LUC7L3: variants seen among roughly 807,000 people sequenced by gnomAD.
LUC7L3 encodes the protein luc7-like protein 3.
LUC7L3 carries 6 observed loss-of-function variants against 66.8 expected under a neutral mutation model. The ratio of observed to expected loss-of-function variants is 0.09; its 90% CI spans 0.05 to 0.18. LUC7L3 has a LOEUF of 0.18. Among genes scored for constraint, LUC7L3 ranks in the 10% least tolerant of loss-of-function variants. LUC7L3 has a pLI of 1.00. For synonymous variants in LUC7L3, 160 were observed against 174.7 expected (o/e 0.92, Z 0.66); for missense variants, 341 against 531.1 (o/e 0.64, Z 3.52).
intron 1 of LUC7L3, among the ~76,000 whole-genome samples, chr17:50,736,259 G>C (rs1352835035): frequency 6.6e-6 from 1 of 152,240 alleles, no homozygotes; most frequent in Non-Finnish European, 1.5e-5. Flanking sequence ...ATTTGGGATA[G>C]AGCAGTTTTG....
At position 50,755,111 on chromosome 17, in the gene LUC7L3, T is replaced by C. The variant is rs1161018802; in HGVS notation, c.*4450T>C. 1 of 152,198 alleles carries C rather than the reference T, an allele frequency of 6.6e-6. No homozygotes were observed. The highest frequency in any genetic ancestry group is 1.5e-5 in the Non-Finnish European group (1 of 68,032). 9.4% of individuals were successfully genotyped at this position (152,198 alleles called of 1,614,324 possible). A position where few individuals can be genotyped will look rare whatever the true frequency, so the allele number is the denominator to read the frequency against. ...TTTTCAAGTTTGATTTCCTGAGGGA[T>C]TTTTTAGTTGTTTGTGAAAGAACCC... On this transcript the variant is annotated 3_prime_UTR_variant, in exon 10 of 10. Transcript: ENST00000505658.
chr17:50,727,233 T>A (rs1969256109), intron 1 of LUC7L3, among the ~76,000 whole-genome samples: 1 of 152,206 alleles, frequency 6.6e-6, no homozygotes. Context: ...CTCTCTTAGT[T>A]GTTATAAAGG....
chr17:50,746,030 C>G, intron 8 of LUC7L3, 27 bp downstream of exon 8: 2 of 1,562,022 alleles, frequency 1.3e-6, no homozygotes, highest in Non-Finnish European at 1.7e-6. Context: ...CTAAGACTGT[C>G]CAGCTCATAA....
intron 2 of LUC7L3, among the ~76,000 whole-genome samples, chr17:50,737,925 AAAG>A (rs1181655196): frequency 3.3e-5 from 5 of 152,196 alleles, no homozygotes; most frequent in African/African-American, 7.2e-5. Flanking sequence ...TGGATACATA[AAAG>A]AAGTCAATTC....
intron 1 of LUC7L3, among the ~76,000 whole-genome samples, chr17:50,730,278 C>G (rs928621691): frequency 6.6e-6 from 1 of 151,914 alleles, no homozygotes; most frequent in Non-Finnish European, 1.5e-5. Flanking sequence ...AGTCTATTAT[C>G]TTTATGATAA....
At chr17:50,749,769 G>C (rs150720366) in intron 9 of LUC7L3, among the ~76,000 whole-genome samples, 6 of 152,302 alleles carry the variant, frequency 3.9e-5, no homozygotes, top group East Asian at 3.9e-4. Context: ...GACTATGCTT[G>C]CTCTGGTGTA....
At position 50,740,197 on chromosome 17, in the gene LUC7L3, A is replaced by G. The variant is rs1022189625; in HGVS notation, c.167-109A>G. 4.9e-6 allele frequency: 4 copies of G among 809,070 alleles called. 1 individual carries two copies. Among genetic ancestry groups the G allele is most frequent in the South Asian group, 1.6e-5 (1 of 62,418 alleles). 50.1% of individuals were successfully genotyped at this position (809,070 alleles called of 1,614,324 possible). The stretch of plus-strand genomic sequence containing the variant: ...TTAGATGTCTACAAACTACTCAGTG[A>G]TAAAGTGAATCCTTTTTCTTTTTAA... On this transcript the variant is annotated intron_variant, in intron 2 of 9. Transcript: ENST00000505658.
At chr17:50,747,206 C>T (rs1970721751) in intron 9 of LUC7L3, among the ~76,000 whole-genome samples, 3 of 150,016 alleles carry the variant, frequency 2.0e-5, no homozygotes, top group African/African-American at 7.4e-5. Flanking sequence ...ATGCTCTTTC[C>T]CCTTTACTTT....
chr17:50,719,900 CTCCTGGCCGCGGCGCGATGTGGCCA>C (rs1438809593), intron 1 of LUC7L3, 69 bp downstream of exon 1: 48 of 1,440,852 alleles, frequency 3.3e-5, no homozygotes, highest in African/African-American at 2.9e-4. Context: ...GGCTGTGGCC[CTCCTGGCCGCGGCGCGATGTGGCCA>C]GGGCCGCACC....
In LUC7L3 at chr17:50,750,962, T is replaced by TA; in HGVS notation, c.*302dup. ...ATATAGTCGCCATTGAAAAGTTAAT[T>TA]ATCCTTTTTTTAGGGATTTTGATGT... On this transcript the variant is annotated 3_prime_UTR_variant, in exon 10 of 10. Transcript: ENST00000505658. The TA allele has an allele frequency of 6.7e-7, 1 of 1,492,558 alleles. No individual in the cohort carries two copies. The highest frequency in any genetic ancestry group is 1.3e-5 in the South Asian group (1 of 76,570). 92.5% of individuals were successfully genotyped at this position (1,492,558 alleles called of 1,614,324 possible).
At position 50,746,576 on chromosome 17, in the gene LUC7L3, C is replaced by G. The variant is rs1254264855; in HGVS notation, c.1012C>G (p.Arg338Gly). The G allele has an allele frequency of 6.2e-7, 1 of 1,613,734 alleles. No individual in the cohort carries two copies. ...TCGACGAAGAAGCAGAAGCCATGAT[C>G]GATCAGAAAGAAAACACAGATCTCG... ...RDRRRSRSHDRSERKHRSRSR... is the reference protein window; with the variant it reads ...RDRRRSRSHDGSERKHRSRSR... Residue 338 changes from arginine (R) to glycine (G), a missense_variant, in exon 9 of 10, where the codon CGA becomes GGA. Transcript: ENST00000505658.
intron 5 of LUC7L3, among the ~76,000 whole-genome samples, chr17:50,742,078 G>A (rs1179102681): frequency 6.6e-6 from 1 of 152,024 alleles, no homozygotes; most frequent in South Asian, 2.1e-4. Flanking sequence ...CTCGTCTTGT[G>A]TGTGTGTGTG....
intron 1 of LUC7L3, among the ~76,000 whole-genome samples, chr17:50,730,563 T>C (rs1400430563): frequency 7.2e-6 from 1 of 138,940 alleles, no homozygotes; most frequent in Non-Finnish European, 1.5e-5. Context: ...GCAGACAGCA[T>C]TGAAAATATT....
rs78024024 is a variant in LUC7L3 at position 50,742,984 on chromosome 17, ACT to A, written c.427-719_427-718del. 1.8e-3 allele frequency among the ~76,000 whole-genome samples: 267 copies of A among 152,166 alleles called. 1 individual carries two copies. The highest frequency in any genetic ancestry group is 2.9e-3 in the Non-Finnish European group (200 of 67,996). On this transcript the variant is annotated intron_variant, in intron 5 of 9. Transcript: ENST00000505658. The stretch of plus-strand genomic sequence containing the variant: ...GAAGCCGGACAAAAAAGGAATATAG[ACT>A]CTATGACTCTATATAAAATTTTAGA...
chr17:50,741,511 C>G, intron 4 of LUC7L3, 146 bp from the exon 5 acceptor site: 1 of 611,726 alleles, frequency 1.6e-6, no homozygotes, highest in Admixed American at 3.3e-5. Flanking sequence ...TGTGATTGAC[C>G]AACAGAAGTT....
At chr17:50,743,888 G>C (rs1004432684) in intron 6 of LUC7L3, 78 bp downstream of exon 6, 11 of 1,045,638 alleles carry the variant, frequency 1.1e-5, no homozygotes, top group Non-Finnish European at 1.6e-5. Flanking sequence ...GAGAACCTTT[G>C]AAAACTGATG....
rs558508734 is a variant in LUC7L3 at position 50,751,411 on chromosome 17, C to T, written c.*750C>T. On this transcript the variant is annotated 3_prime_UTR_variant, in exon 10 of 10. Coordinates refer to ENST00000505658, the MANE Select transcript of LUC7L3 (RefSeq NM_016424.5). ...CTCTACCCACATCCATGTTTGAATG[C>T]TATTGCCTGTGATCTTTACGCTTAA... is the stretch of plus-strand genomic sequence containing the variant. The T allele has an allele frequency of 7.8e-7, 1 of 1,289,636 alleles. No homozygotes were observed. Among genetic ancestry groups the T allele is most frequent in the Non-Finnish European group, 1.0e-6 (1 of 988,906 alleles). 79.9% of individuals were successfully genotyped at this position (1,289,636 alleles called of 1,614,324 possible).
rs1221170821 is a variant in LUC7L3, at chr17:50,755,829, T to A, written c.*5168T>A. ...GAAGATCCCAAGTGTCCACCAACAG[T>A]GTGTTGGATAAATACTGTGGTATAT... On this transcript the variant is annotated 3_prime_UTR_variant, in exon 10 of 10. Transcript: ENST00000505658. The A allele has an allele frequency of 6.6e-6, 1 of 152,170 alleles. No individual in the cohort carries two copies. The highest frequency in any genetic ancestry group is 1.5e-5 in the Non-Finnish European group (1 of 68,036). The allele number at this position is 152,170 out of a possible 1,614,324, so 9.4% of individuals were successfully genotyped here.
At chr17:50,728,550 G>GTT (rs1969350997) in intron 1 of LUC7L3, among the ~76,000 whole-genome samples, 1 of 152,036 alleles carries the variant, frequency 6.6e-6, no homozygotes, top group Non-Finnish European at 1.5e-5. Context: ...TGTAGGGTTG[G>GTT]TTTTTGTTTT....
Sources: allele counts gnomAD v4.1 joint callset (sites outside exome capture counted in the v4.1 genomes callset), GRCh38; gene constraint gnomAD v4.1.1; transcripts MANE v1.5; gene names NCBI Gene and HGNC (gene_info 2026-07-23, HGNC 2026-07-21).